FER: variants seen among roughly 807,000 people sequenced by gnomAD.
FER encodes tyrosine-protein kinase Fer.
In FER, 63 loss-of-function variants were observed where a neutral mutation model predicts 111.0. The observed-to-expected ratio is 0.57, with a 90% CI of 0.46 to 0.70. The LOEUF (loss-of-function observed/expected upper bound fraction) is 0.70. Among genes scored for constraint, FER ranks in the 30% least tolerant of loss-of-function variants. The probability of loss-of-function intolerance (pLI) is 0.00; values close to 1 mark genes in which losing one functional copy is unlikely to be tolerated. For missense variants in FER, 914 were observed against 954.0 expected, an observed-to-expected ratio of 0.96 and a Z score of 0.55; for synonymous variants, 327 against 313.9, an observed-to-expected ratio of 1.04 and a Z score of -0.44.
At chr5:108,928,347 GT>G (rs1754077550) in intron 10 of FER, among the ~76,000 whole-genome samples, 1 of 152,132 alleles carries the variant, frequency 6.6e-6, no homozygotes, top group Admixed American at 6.5e-5. Flanking sequence ...TTCTTAGGAA[GT>G]TTTTACTGCT....
intron 14 of FER, among the ~76,000 whole-genome samples, chr5:109,043,922 G>C (rs929225964): frequency 6.6e-6 from 1 of 151,842 alleles, no homozygotes; most frequent in African/African-American, 2.4e-5. Context: ...AGTGAGCCGA[G>C]ATTGTGCTGC....
intron 8 of FER, among the ~76,000 whole-genome samples, chr5:108,881,010 C>G (rs1765622956): frequency 6.6e-6 from 1 of 152,014 alleles, no homozygotes; most frequent in Non-Finnish European, 1.5e-5. Context: ...GAGATTCAAA[C>G]AATGATATAT....
chr5:108,794,854 G>C (rs189936423), intron 2 of FER, among the ~76,000 whole-genome samples: 1 of 152,108 alleles, frequency 6.6e-6, no homozygotes, highest in Non-Finnish European at 1.5e-5. Flanking sequence ...ATTATTAAAT[G>C]CCTTGAGGTA....
At chr5:108,975,861 TTTA>T (rs1761268061) in intron 13 of FER, among the ~76,000 whole-genome samples, 1 of 152,066 alleles carries the variant, frequency 6.6e-6, no homozygotes, top group Non-Finnish European at 1.5e-5. Context: ...TACCTTCAGG[TTTA>T]TAATTCAGCA....
chr5:109,016,646 T>A (rs747747306), intron 13 of FER, among the ~76,000 whole-genome samples: 1 of 152,080 alleles, frequency 6.6e-6, no homozygotes, highest in African/African-American at 2.4e-5. Flanking sequence ...AACAAAAAGC[T>A]TTTGTTGCAA....
At chr5:108,912,710 A>T (rs888468096) in intron 10 of FER, among the ~76,000 whole-genome samples, 4 of 152,130 alleles carry the variant, frequency 2.6e-5, no homozygotes, top group African/African-American at 9.7e-5. Flanking sequence ...GTAATCACAG[A>T]CATGACGCTA....
intron 17 of FER, among the ~76,000 whole-genome samples, chr5:109,144,587 G>A (rs1203175639): frequency 6.6e-6 from 1 of 152,126 alleles, no homozygotes; most frequent in Non-Finnish European, 1.5e-5. Context: ...TATCTGAAAT[G>A]TGCATTTGGC....
chr5:109,124,768 C>T lies in FER; in HGVS notation c.2048+24249C>T, dbSNP rs187099616. On this transcript the variant is annotated intron_variant, in intron 17 of 19. Transcript: ENST00000281092. ...ATTCCTTTTAAGATAGAAGTTGGGC[C>T]GGGCGCGGTGGCTCACGCCTGTAAT... is the stretch of plus-strand genomic sequence containing the variant. Among the ~76,000 whole-genome samples the T allele has an allele frequency of 1.4e-4, 22 of 151,806 alleles. No individual in the cohort carries two copies. The East Asian group carries it at 2.7e-3, about 19-fold the overall frequency.
chr5:108,994,760 T>C (rs1168125668), intron 13 of FER, among the ~76,000 whole-genome samples: 1 of 152,220 alleles, frequency 6.6e-6, no homozygotes, highest in Non-Finnish European at 1.5e-5. Flanking sequence ...TGTTTTTCCA[T>C]TTGTTTGTTT....
At chr5:108,896,326 C>T (rs1012104249) in intron 9 of FER, among the ~76,000 whole-genome samples, 4 of 152,048 alleles carry the variant, frequency 2.6e-5, no homozygotes, top group Non-Finnish European at 5.9e-5. Flanking sequence ...ACTGAGAAAT[C>T]AGAAATGTCA....
intron 10 of FER, among the ~76,000 whole-genome samples, chr5:108,899,689 A>G (rs1216261676): frequency 6.6e-6 from 1 of 151,952 alleles, no homozygotes; most frequent in Non-Finnish European, 1.5e-5. Context: ...CTGTAATCCC[A>G]GCTACTCAGG....
At chr5:109,070,956 T>C (rs1775695724) in intron 16 of FER, among the ~76,000 whole-genome samples, 1 of 152,138 alleles carries the variant, frequency 6.6e-6, no homozygotes. Context: ...CAGGTACATA[T>C]CAAGTATCTA....
chr5:109,155,813 C>T (rs959226970), intron 17 of FER, among the ~76,000 whole-genome samples: 10 of 151,848 alleles, frequency 6.6e-5, no homozygotes, highest in Non-Finnish European at 2.9e-5. Flanking sequence ...ATTTCTTTCT[C>T]TTCATTTCCT....
At chr5:109,081,601 C>T (rs1022389456) in intron 16 of FER, among the ~76,000 whole-genome samples, 7 of 151,862 alleles carry the variant, frequency 4.6e-5, no homozygotes, top group African/African-American at 1.5e-4. Flanking sequence ...ATATTGAAAC[C>T]GATTTAGCTT....
At chr5:109,102,052 C>T (rs1748293579) in intron 17 of FER, among the ~76,000 whole-genome samples, 1 of 152,014 alleles carries the variant, frequency 6.6e-6, no homozygotes, top group Non-Finnish European at 1.5e-5. Flanking sequence ...CAATCTCTTG[C>T]TACTTTTTGT....
intron 9 of FER, among the ~76,000 whole-genome samples, chr5:108,895,562 C>T (rs1324020782): frequency 6.6e-6 from 1 of 152,176 alleles, no homozygotes; most frequent in African/African-American, 2.4e-5. Flanking sequence ...CCACCATTTC[C>T]ATTGTCACAT....
chr5:109,045,362 A>C (rs1057144133), intron 15 of FER, among the ~76,000 whole-genome samples: 18 of 149,824 alleles, frequency 1.2e-4, no homozygotes, highest in African/African-American at 4.1e-4. Flanking sequence ...TGTACAAAAC[A>C]TGCATAAATT....
chr5:109,012,970 G>T (rs764691638), intron 13 of FER, among the ~76,000 whole-genome samples: 2 of 151,688 alleles, frequency 1.3e-5, no homozygotes, highest in Non-Finnish European at 2.9e-5. Context: ...TTCTCCCTTG[G>T]CTGAACGTGT....
At chr5:109,110,643 A>G (rs191315140) in intron 17 of FER, among the ~76,000 whole-genome samples, 33 of 152,036 alleles carry the variant, frequency 2.2e-4, no homozygotes, top group Admixed American at 2.0e-3. Flanking sequence ...TTTTTTATAT[A>G]TTTTTTAATT....
Sources: allele counts gnomAD v4.1 joint callset (sites outside exome capture counted in the v4.1 genomes callset), GRCh38; gene constraint gnomAD v4.1.1; transcripts MANE v1.5; gene names NCBI Gene and HGNC (gene_info 2026-07-23, HGNC 2026-07-21).